NUP58: variants seen among roughly 807,000 people sequenced by gnomAD.
NUP58 encodes nucleoporin p58/p45.
NUP58 carries 17 observed loss-of-function variants against 70.1 expected under a neutral mutation model. The ratio of observed to expected loss-of-function variants is 0.24; its 90% CI spans 0.17 to 0.36. NUP58 has a LOEUF of 0.36. NUP58 is among the 10% of genes least tolerant of loss of function. The pLI is 1.00. For missense variants in NUP58, 644 were observed against 701.5 expected (o/e 0.92, Z 0.93); for synonymous variants, 275 against 257.6 (o/e 1.07, Z -0.65).
chr13:25,343,498 T>C (rs1454930477), downstream of NUP58, among the ~76,000 whole-genome samples: 1 of 150,746 alleles, frequency 6.6e-6, no homozygotes, highest in African/African-American at 2.4e-5. Context: ...GTTTCACTCT[T>C]GTCGCCCAGG....
chr13:25,348,734 A>G (rs2032076729), intron 3 of NUP58, among the ~76,000 whole-genome samples: 1 of 152,098 alleles, frequency 6.6e-6, no homozygotes, highest in Non-Finnish European at 1.5e-5. Context: ...TTTGCCTCTT[A>G]TATCAATTGT....
intron 2 of NUP58, among the ~76,000 whole-genome samples, chr13:25,308,321 TAC>T (rs1235466372): frequency 4.6e-5 from 7 of 152,082 alleles, no homozygotes; most frequent in Non-Finnish European, 7.4e-5. Flanking sequence ...TTTTTTTAGA[TAC>T]ACAGTCTTGC....
intron 9 of NUP58, among the ~76,000 whole-genome samples, chr13:25,323,197 G>A (rs1387251255): frequency 1.3e-5 from 2 of 152,050 alleles, no homozygotes; most frequent in Non-Finnish European, 2.9e-5. Flanking sequence ...ATAAGAGGTT[G>A]GGAGTCAAAG....
intron 3 of NUP58, among the ~76,000 whole-genome samples, chr13:25,348,961 G>A (rs1207971392): frequency 6.6e-6 from 1 of 151,920 alleles, no homozygotes; most frequent in Admixed American, 6.6e-5. Context: ...GACCATTCCC[G>A]AACACTATGC....
Position 25,331,569 on chromosome 13 carries a change from A to T in NUP58, c.1435+11A>T. 6.2e-7 allele frequency: 1 copy of T among 1,612,586 alleles called. No homozygotes were observed. The highest frequency in any genetic ancestry group is 1.7e-5 in the Admixed American group (1 of 59,804). ...AACAGCCTGCTACAGGTCTGAACGCATTCAAGTTATAGCTTCTTACTGTTC... is the reference window on the plus strand; with the variant it reads ...AACAGCCTGCTACAGGTCTGAACGCTTTCAAGTTATAGCTTCTTACTGTTC... On this transcript the variant is annotated intron_variant, in intron 13 of 15. Coordinates refer to ENST00000381736, the MANE Select transcript of NUP58 (RefSeq NM_014089.4).
At chr13:25,328,851 C>G (rs1347451996) in intron 12 of NUP58, among the ~76,000 whole-genome samples, 2 of 152,114 alleles carry the variant, frequency 1.3e-5, no homozygotes, top group African/African-American at 4.8e-5. Context: ...AAAATTCAAG[C>G]AGCGAAACCT....
rs746647104 is a variant in NUP58, at chr13:25,313,750, A to C, written c.573A>C (p.Ser191=). 1 of 1,521,384 alleles carries C rather than the reference A, an allele frequency of 6.6e-7. No individual in the cohort carries two copies. The highest frequency in any genetic ancestry group is 1.4e-5 in the South Asian group (1 of 73,374). 94.2% of individuals were successfully genotyped at this position (1,521,384 alleles called of 1,614,324 possible). A position where few individuals can be genotyped will look rare whatever the true frequency, so the allele number is the denominator to read the frequency against. Residue 191 remains serine, a splice_region_variant and synonymous_variant, in exon 5 of 16, where the codon TCA becomes TCC. Transcript: ENST00000381736. ...TCCAGAGTACAAACACAGGAACATCAGGTAATTGATGGTATTTATTCTCCA... is the reference window on the plus strand; with the variant it reads ...TCCAGAGTACAAACACAGGAACATCCGGTAATTGATGGTATTTATTCTCCA... The part of the protein sequence containing the change: ...SLFQSTNTGT[S]GLGQNALGLT...
At chr13:25,347,074 CAT>C (rs1253939762), downstream of NUP58, among the ~76,000 whole-genome samples, 1 of 152,070 alleles carries the variant, frequency 6.6e-6, no homozygotes, top group Non-Finnish European at 1.5e-5. Context: ...TTTTTATACA[CAT>C]AGCCTGAGGG....
At position 25,320,807 on chromosome 13, in the gene NUP58, G is replaced by T. The variant is rs1480781074; in HGVS notation, c.777-112G>T. 4 of 778,982 alleles carry T rather than the reference G, an allele frequency of 5.1e-6. No homozygotes were observed. The Admixed American group carries it at 1.4e-4, about 27-fold the overall frequency. 48.3% of individuals were successfully genotyped at this position (778,982 alleles called of 1,614,324 possible). On this transcript the variant is annotated intron_variant, in intron 8 of 15. Transcript: ENST00000381736. ...CTGTAAAAAAGTGTGAACTATAGAT[G>T]AATTTTTAGTTTTGTATTTTAAAAC...
chr13:25,310,420 A>G (rs1354817642), intron 3 of NUP58, among the ~76,000 whole-genome samples: 1 of 149,286 alleles, frequency 6.7e-6, no homozygotes, highest in Non-Finnish European at 1.5e-5. Flanking sequence ...GGGTTTCTCC[A>G]TGTTGGTCAG....
intron 3 of NUP58, 121 bp from the exon 4 acceptor site, chr13:25,312,762 C>T: frequency 1.1e-6 from 1 of 887,620 alleles, no homozygotes; most frequent in Non-Finnish European, 1.7e-6. Flanking sequence ...CACCCTTCTT[C>T]TATTGGCAAA....
At chr13:25,323,482 C>CT (rs2031272321) in intron 9 of NUP58, among the ~76,000 whole-genome samples, 1 of 151,840 alleles carries the variant, frequency 6.6e-6, no homozygotes, top group African/African-American at 2.4e-5. Flanking sequence ...TAAGATTACT[C>CT]TAATGTCTAG....
chr13:25,336,926 T>TA lies in NUP58; in HGVS notation c.1436-10_1436-9insA. 1 of 1,546,470 alleles carries TA rather than the reference T, an allele frequency of 6.5e-7. No homozygotes were observed. ...TTTTCCCCCCCATTTTTTTTTTTTTTTTATACCAGGGCCACAGCCATCTCT... is the reference window on the plus strand; with the variant it reads ...TTTTCCCCCCCATTTTTTTTTTTTTTATTATACCAGGGCCACAGCCATCTCT... On this transcript the variant is annotated splice_polypyrimidine_tract_variant and intron_variant, in intron 13 of 15. Transcript: ENST00000381736.
chr13:25,333,261 C>G (rs1490140035), intron 13 of NUP58: 6 of 985,166 alleles, frequency 6.1e-6, no homozygotes, highest in Non-Finnish European at 7.2e-6. Context: ...CTACTATGTG[C>G]TGGGCTCGAG....
chr13:25,335,735 C>A, intron 13 of NUP58: 1 of 983,108 alleles, frequency 1.0e-6, no homozygotes, highest in East Asian at 1.1e-4. Flanking sequence ...TATAATTTTA[C>A]ACTACCTTTT....
In NUP58 at chr13:25,331,663, A is replaced by T. The variant is rs957918611; in HGVS notation, c.1435+105A>T. 11 of 1,504,546 alleles carry T rather than the reference A, an allele frequency of 7.3e-6. No homozygotes were observed. The Admixed American group carries it at 2.1e-4, about 29-fold the overall frequency. The allele number at this position is 1,504,546 out of a possible 1,614,324, so 93.2% of individuals were successfully genotyped here. ...TGTGAGCACTGAAGAAATTTCTATGAGTAGCTGTTCCAATACAATCTAAAA... is the reference window on the plus strand; with the variant it reads ...TGTGAGCACTGAAGAAATTTCTATGTGTAGCTGTTCCAATACAATCTAAAA... On this transcript the variant is annotated intron_variant, in intron 13 of 15. Coordinates refer to ENST00000381736, the MANE Select transcript of NUP58 (RefSeq NM_014089.4).
chr13:25,338,763 A>G (rs1406312227), intron 15 of NUP58, 32 bp downstream of exon 15: 2 of 1,532,314 alleles, frequency 1.3e-6, no homozygotes, highest in African/African-American at 2.7e-5. Flanking sequence ...TTTCAGGCAA[A>G]TTTAAAGGTG....
chr13:25,319,474 G>T, intron 7 of NUP58, 124 bp downstream of exon 7: 2 of 765,920 alleles, frequency 2.6e-6, no homozygotes, highest in South Asian at 1.7e-5. Flanking sequence ...TTTTTGTAAT[G>T]GTATTCGTTA....
intron 14 of NUP58, among the ~76,000 whole-genome samples, chr13:25,338,118 G>A (rs2031847829): frequency 6.6e-6 from 1 of 152,138 alleles, no homozygotes; most frequent in African/African-American, 2.4e-5. Context: ...TTACTGAGTA[G>A]ATTTAAAGTG....
Sources: gnomAD v4.1 joint callset for allele counts (sites outside exome capture counted in the v4.1 genomes callset) on GRCh38, gnomAD v4.1.1 for gene constraint, MANE v1.5 for transcripts, NCBI Gene and HGNC (gene_info 2026-07-23, HGNC 2026-07-21) for gene names.